CPT1A: variants seen among roughly 807,000 people sequenced by gnomAD.
CPT1A encodes carnitine palmitoyltransferase 1A, also known as carnitine O-palmitoyltransferase 1, liver isoform.
In CPT1A, 64 loss-of-function variants were observed where a neutral mutation model predicts 100.8. That is an observed-to-expected ratio of 0.63 (90% CI 0.52 to 0.78). The LOEUF (loss-of-function observed/expected upper bound fraction) is 0.78. CPT1A is among the 30% of genes least tolerant of loss of function. CPT1A has a pLI of 0.00. For synonymous variants in CPT1A, 363 were observed against 396.0 expected, an observed-to-expected ratio of 0.92 and a Z score of 0.99; for missense variants, 802 against 1,034.1, an observed-to-expected ratio of 0.78 and a Z score of 3.08.
chr11:68,843,831 G>A (rs1252944230), upstream of CPT1A, among the ~76,000 whole-genome samples: 2 of 152,150 alleles, frequency 1.3e-5, no homozygotes, highest in African/African-American at 4.8e-5. This position sits in a 1 kb window ranked among gnomAD's most constrained non-coding sequence, Gnocchi z 4.0. Context: ...GCTCTCGCGC[G>A]TGAGGCTCTC....
chr11:68,759,707 C>T (rs369955028), intron 17 of CPT1A, 46 bp from the exon 18 acceptor site: 13 of 1,378,118 alleles, frequency 9.4e-6, no homozygotes, highest in Admixed American at 5.0e-5. Context: ...AATGAGACAA[C>T]GTGAAAAAGG....
At chr11:68,824,248 C>CAAAA (rs34276531) in intron 1 of CPT1A, among the ~76,000 whole-genome samples, 4 of 69,116 alleles carry the variant, frequency 5.8e-5, no homozygotes, top group East Asian at 4.4e-4. Flanking sequence ...AGCTCCATCT[C>CAAAA]AAAAAAAAAA....
At chr11:68,842,673 C>T (rs1008133567), upstream of CPT1A, among the ~76,000 whole-genome samples, 25 of 152,266 alleles carry the variant, frequency 1.6e-4, no homozygotes, top group African/African-American at 6.0e-4. Flanking sequence ...AGAGGAGTAG[C>T]TGGAGGCCAG....
chr11:68,799,200 C>T lies in CPT1A; in HGVS notation c.693+18G>A, dbSNP rs1855836246. 1.2e-6 allele frequency: 2 copies of T among 1,608,624 alleles called. No homozygotes were observed. The highest frequency in any genetic ancestry group is 1.3e-5 in the African/African-American group (1 of 74,620). ...TACGGAAAAATTTCATCAAGAAAAA[C>T]TGTGTATACAGACTTACGTAATTTG... On this transcript the variant is annotated intron_variant, in intron 6 of 18. Transcript: ENST00000265641.
intron 12 of CPT1A, among the ~76,000 whole-genome samples, chr11:68,775,712 G>A (rs959231766): frequency 1.3e-5 from 2 of 152,172 alleles, no homozygotes; most frequent in Admixed American, 1.3e-4. Flanking sequence ...GTGTTTATTG[G>A]GCACCTACTA....
intron 5 of CPT1A, among the ~76,000 whole-genome samples, chr11:68,802,931 A>G (rs1027986897): frequency 2.7e-4 from 41 of 151,866 alleles, no homozygotes; most frequent in Middle Eastern, 3.4e-3. Flanking sequence ...GAAAATGAAA[A>G]AGAAATGAGT....
intron 3 of CPT1A, among the ~76,000 whole-genome samples, chr11:68,807,948 G>A (rs982474044): frequency 6.6e-6 from 1 of 152,176 alleles, no homozygotes; most frequent in Admixed American, 6.6e-5. Flanking sequence ...AAACCAACCA[G>A]GGCTAATTTG....
chr11:68,792,476 C>T (rs1855643321), intron 9 of CPT1A, among the ~76,000 whole-genome samples: 1 of 152,234 alleles, frequency 6.6e-6, no homozygotes, highest in Non-Finnish European at 1.5e-5. Flanking sequence ...CTGGGTAGTT[C>T]CCCATCCACA....
chr11:68,762,871 T>C, intron 14 of CPT1A, 110 bp from the exon 15 acceptor site: 1 of 1,425,160 alleles, frequency 7.0e-7, no homozygotes, highest in South Asian at 1.2e-5. Flanking sequence ...TTGTCAACAT[T>C]TTTTTGAGAC....
chr11:68,775,365 T>C lies in CPT1A; in HGVS notation c.1526A>G (p.Asn509Ser), dbSNP rs771651542. 16 of 1,614,126 alleles carry C rather than the reference T, an allele frequency of 9.9e-6. No homozygotes were observed. The highest frequency in any genetic ancestry group is 8.9e-5 in the East Asian group (4 of 44,900). ...AEDGHCKGDI[N>S]PNIPYPTRLQ... is the part of the protein sequence containing the mutation. Reference sequence around the variant, plus strand: ...CCTGGTGGGGTACGGAATGTTCGGATTGATGTCGCCTTTGCAGTGCCCATC... The same window carrying C: ...CCTGGTGGGGTACGGAATGTTCGGACTGATGTCGCCTTTGCAGTGCCCATC... Residue 509 changes from asparagine to serine, a missense_variant, in exon 13 of 19, where the codon AAT (asparagine) becomes AGT (serine). Asn to Ser is a conservative substitution (Grantham distance 46, BLOSUM62 1). This residue lies in a region of CPT1A where 627 missense variants were observed against 799.3 expected (regional missense o/e 0.78). Coordinates refer to ENST00000265641, the MANE Select transcript of CPT1A (RefSeq NM_001876.4).
intron 4 of CPT1A, among the ~76,000 whole-genome samples, chr11:68,805,566 C>T (rs566272349): frequency 2.0e-5 from 3 of 152,206 alleles, no homozygotes; most frequent in South Asian, 4.2e-4. Flanking sequence ...GACAGCAGCC[C>T]AGTCCAGGCA....
intron 9 of CPT1A, among the ~76,000 whole-genome samples, chr11:68,787,721 C>T (rs896946328): frequency 2.6e-5 from 4 of 151,874 alleles, no homozygotes; most frequent in Admixed American, 1.3e-4. Context: ...GTGGGCAGAT[C>T]GCCTGAGGTC....
intron 16 of CPT1A, among the ~76,000 whole-genome samples, chr11:68,761,156 CA>C (rs1566339453): frequency 1.9e-4 from 29 of 151,280 alleles, no homozygotes; most frequent in Non-Finnish European, 3.7e-4. Context: ...CCAGCCTGGG[CA>C]ACACTGTAAG....
chr11:68,780,182 T>C (rs544899030), intron 12 of CPT1A, among the ~76,000 whole-genome samples: 1 of 152,358 alleles, frequency 6.6e-6, no homozygotes, highest in African/African-American at 2.4e-5. Context: ...TTTAATCTAG[T>C]GATTTAACTT....
chr11:68,813,771 T>C (rs1194556953), intron 2 of CPT1A, among the ~76,000 whole-genome samples: 1 of 151,624 alleles, frequency 6.6e-6, no homozygotes. Flanking sequence ...TGGCCAAGCC[T>C]CTGCATCCAA....
rs4261294 is a variant in CPT1A at position 68,781,551 on chromosome 11, T to C, written c.1352+220A>G. Among the ~76,000 whole-genome samples the C allele has an allele frequency of 0.92, 139,311 of 152,206 alleles. 64,008 individuals carry two copies. Among genetic ancestry groups the C allele is most frequent in the Non-Finnish European group, 0.95 (64,530 of 68,018 alleles). ...AGGAGAATCGCTTGAACCTGGGAGGTGGAGGTTGCAGTGAGCCGAGATCAA... is the reference window on the plus strand; with the variant it reads ...AGGAGAATCGCTTGAACCTGGGAGGCGGAGGTTGCAGTGAGCCGAGATCAA... On this transcript the variant is annotated intron_variant, in intron 11 of 18. Coordinates refer to ENST00000265641, the MANE Select transcript of CPT1A (RefSeq NM_001876.4).
chr11:68,798,479 T>C (rs1009540041), intron 6 of CPT1A, among the ~76,000 whole-genome samples: 1 of 152,092 alleles, frequency 6.6e-6, no homozygotes, highest in South Asian at 2.1e-4. Context: ...TCCTCAAAGC[T>C]AGACTCCCTC....
chr11:68,814,951 T>G (rs1856342061), intron 2 of CPT1A, among the ~76,000 whole-genome samples: 2 of 152,150 alleles, frequency 1.3e-5, no homozygotes, highest in Admixed American at 1.3e-4. Flanking sequence ...CTTCCCAAAG[T>G]GCAGGGATTA....
chr11:68,832,260 C>G (rs1018852568), intron 1 of CPT1A, among the ~76,000 whole-genome samples: 4 of 152,140 alleles, frequency 2.6e-5, no homozygotes, highest in African/African-American at 7.2e-5. Flanking sequence ...ACCAGCCTGA[C>G]CAATATGGTG....
Sources: allele counts gnomAD v4.1 joint callset (sites outside exome capture counted in the v4.1 genomes callset), GRCh38; gene constraint gnomAD v4.1.1; regional missense constraint gnomAD v4.1.1; non-coding constraint Gnocchi (gnomAD v3.1); transcripts MANE v1.5; gene names NCBI Gene and HGNC (gene_info 2026-07-23, HGNC 2026-07-21).